Variants in KIF24 observed in about 807,000 individuals in gnomAD.
KIF24 encodes kinesin-like protein KIF24.
KIF24 carries 81 observed loss-of-function variants against 118.9 expected under a neutral mutation model. The ratio of observed to expected loss-of-function variants is 0.68; its 90% CI spans 0.57 to 0.82. KIF24 has a LOEUF of 0.82. Among genes scored for constraint, KIF24 ranks in the 40% least tolerant of loss-of-function variants. The pLI, the probability that KIF24 is intolerant of heterozygous loss-of-function variation, is 0.00. For synonymous variants in KIF24, 599 were observed against 610.0 expected (o/e 0.98, Z 0.27); for missense variants, 1,560 against 1,661.6 (o/e 0.94, Z 1.06).
chr9:34,297,759 T>TAA (rs879897804), intron 3 of KIF24, among the ~76,000 whole-genome samples: 3 of 131,058 alleles, frequency 2.3e-5, no homozygotes, highest in Non-Finnish European at 3.4e-5. Flanking sequence ...GAGATTCCAT[T>TAA]TAAAAAAAAA....
At chr9:34,299,027 C>A (rs957208599) in intron 3 of KIF24, among the ~76,000 whole-genome samples, 3 of 151,984 alleles carry the variant, frequency 2.0e-5, no homozygotes, top group South Asian at 2.1e-4. Context: ...TTGGTAGGTA[C>A]AACTACATAT....
intron 4 of KIF24, among the ~76,000 whole-genome samples, chr9:34,293,707 C>T (rs548835337): frequency 7.9e-5 from 12 of 152,192 alleles, no homozygotes; most frequent in African/African-American, 2.9e-4. Context: ...ACCCAGGAGG[C>T]GGAGCTTGCA....
chr9:34,269,661 C>T (rs192258488), intron 7 of KIF24, among the ~76,000 whole-genome samples: 1,837 of 152,078 alleles, frequency 0.012, 45 homozygotes, highest in African/African-American at 0.041. Context: ...CCTCGTGATC[C>T]GCCCGCCTTG....
At position 34,310,746 on chromosome 9, in the gene KIF24, C is replaced by CATAGTAT. The variant is rs760924285; in HGVS notation, c.600_601insATACTAT (p.Gly201IlefsTer22). On this transcript the variant is annotated frameshift_variant, in exon 2 of 13. Coordinates refer to ENST00000402558, the MANE Select transcript of KIF24 (RefSeq NM_194313.4). LOFTEE classifies it high-confidence loss of function. The stretch of plus-strand genomic sequence containing the variant: ...TACCTGATACAAGAATGAGGGATTC[C>CATAGTAT]ATAGTTATACCCTGAAACATGAGAG... The CATAGTAT allele has an allele frequency of 1.4e-5, 23 of 1,595,618 alleles. No homozygotes were observed. Among genetic ancestry groups the CATAGTAT allele is most frequent in the Non-Finnish European group, 1.9e-5 (22 of 1,172,668 alleles).
In KIF24 at chr9:34,257,207, G is replaced by A. The variant is rs1834884339; in HGVS notation, c.2400C>T (p.Leu800=). Residue 800 remains leucine (L), a synonymous_variant, in exon 11 of 13, where the codon CTC becomes CTT. Transcript: ENST00000402558. ...LRQYRPPEGQ[L]TNETPPLFHS... is the part of the protein sequence containing the mutation. ...GGAACAGAGGCGGAGTCTCATTCGT[G>A]AGCTGACCCTCTGGGGGCCTGTACT... 4 of 1,613,942 alleles carry A rather than the reference G, an allele frequency of 2.5e-6. No individual in the cohort carries two copies. Among genetic ancestry groups the A allele is most frequent in the Non-Finnish European group, 3.4e-6 (4 of 1,179,904 alleles).
chr9:34,333,451 A>AC (rs1437963188), upstream of KIF24, among the ~76,000 whole-genome samples: 1 of 151,838 alleles, frequency 6.6e-6, no homozygotes, highest in African/African-American at 2.4e-5. Flanking sequence ...GCATAGCAAG[A>AC]CCCCATCTCT....
chr9:34,262,927 C>T (rs895357357), intron 9 of KIF24, among the ~76,000 whole-genome samples, 174 bp downstream of exon 9: 1 of 151,806 alleles, frequency 6.6e-6, no homozygotes, highest in African/African-American at 2.4e-5. Context: ...ATTAATGATA[C>T]TCAACTTGTA....
At chr9:34,319,615 T>C in intron 1 of KIF24, 1 of 899,446 alleles carries the variant, frequency 1.1e-6, no homozygotes, top group Non-Finnish European at 1.9e-6. Context: ...ACTGGGCACC[T>C]GGTCCGGCCT....
At position 34,255,151 on chromosome 9, in the gene KIF24, C is replaced by T. The variant is rs752525182; in HGVS notation, c.3887G>A (p.Arg1296Gln). ...TTCATCCAGCTGTTCCTGGTGTGCT[C>T]GGATGACCACCTGCCTGGGAACACC... is the stretch of plus-strand genomic sequence containing the variant. The part of the protein sequence containing the change: ...TLEQAQQVVI[R>Q]AHQEQLDEMA... Residue 1296 changes from arginine (R) to glutamine (Q), a missense_variant, in exon 12 of 13, where the codon CGA (arginine) becomes CAA (glutamine). Physicochemically the swap from Arg to Gln is conservative, Grantham distance 43. Coordinates refer to ENST00000402558, the MANE Select transcript of KIF24 (RefSeq NM_194313.4). 45 of 1,582,778 alleles carry T rather than the reference C, an allele frequency of 2.8e-5. 2 individuals are homozygous for T. The highest frequency in any genetic ancestry group is 2.8e-5 in the Non-Finnish European group (32 of 1,163,312).
intron 1 of KIF24, among the ~76,000 whole-genome samples, chr9:34,320,245 T>TG (rs1837469636): frequency 6.8e-6 from 1 of 146,682 alleles, no homozygotes; most frequent in Non-Finnish European, 1.5e-5. Context: ...TCTTCAAAGA[T>TG]GGGGAGGGAA....
intron 6 of KIF24, among the ~76,000 whole-genome samples, chr9:34,282,038 C>T (rs1478224212): frequency 1.3e-5 from 2 of 152,066 alleles, no homozygotes; most frequent in African/African-American, 2.4e-5. Context: ...TAGGCATACA[C>T]CCAAGAAAAT....
chr9:34,283,247 G>A (rs140279582), intron 6 of KIF24, among the ~76,000 whole-genome samples: 1,713 of 151,532 alleles, frequency 0.011, 38 homozygotes, highest in African/African-American at 0.039. Context: ...GCACACACCT[G>A]TAGTCCCAGC....
rs150483363 is a variant in KIF24 at position 34,326,338 on chromosome 9, C to T, written c.-26+2768G>A. On this transcript the variant is annotated intron_variant, in intron 1 of 12. Coordinates refer to ENST00000402558, the MANE Select transcript of KIF24 (RefSeq NM_194313.4). ...CTGCAGTTCAGTGTGGGCAACAGGG[C>T]GACAGAGTAAGAGCCTGTCTCAAGA... 2.8e-4 allele frequency among the ~76,000 whole-genome samples: 42 copies of T among 152,028 alleles called. 1 individual carries two copies. The East Asian group carries it at 6.4e-3, about 23-fold the overall frequency.
intron 1 of KIF24, chr9:34,319,201 C>A (rs7028124): frequency 6.3e-7 from 1 of 1,596,448 alleles, no homozygotes; most frequent in Non-Finnish European, 8.6e-7. Context: ...AGCTCTCCAG[C>A]CTCATCATCC....
intron 1 of KIF24, chr9:34,319,637 G>T: frequency 1.2e-6 from 1 of 868,986 alleles, no homozygotes; most frequent in East Asian, 2.5e-5. Flanking sequence ...AGGTTGACAA[G>T]ATGCAAGACG....
At position 34,290,156 on chromosome 9, in the gene KIF24, C is replaced by T. The variant is rs922057280; in HGVS notation, c.1127+18G>A. The T allele has an allele frequency of 6.5e-7, 1 of 1,548,918 alleles. No individual in the cohort carries two copies. The highest frequency in any genetic ancestry group is 8.9e-7 in the Non-Finnish European group (1 of 1,122,654). ...ATAGCGATGAACAGATTTATCGCTT[C>T]CCACTCATATTCAGTACCTTTTTCT... On this transcript the variant is annotated intron_variant, in intron 5 of 12. Transcript: ENST00000402558.
chr9:34,331,566 A>G (rs988961963), upstream of KIF24, among the ~76,000 whole-genome samples: 1 of 152,214 alleles, frequency 6.6e-6, no homozygotes, highest in African/African-American at 2.4e-5. Flanking sequence ...AGCTTGACTT[A>G]CCTAAATTGG....
chr9:34,253,646 A>T lies in KIF24; in HGVS notation c.*734T>A, dbSNP rs1303642024. 6.6e-6 allele frequency: 1 copy of T among 152,214 alleles called. No individual in the cohort carries two copies. Among genetic ancestry groups the T allele is most frequent in the Admixed American group, 6.5e-5 (1 of 15,270 alleles). 9.4% of individuals were successfully genotyped at this position (152,214 alleles called of 1,614,324 possible). On this transcript the variant is annotated 3_prime_UTR_variant, in exon 13 of 13. Transcript: ENST00000402558. ...CATGAGAGTATCGGGCATTGTACAG[A>T]GGCCTTTCACCCGAGCAAAAGTCAG...
chr9:34,268,484 T>G (rs1170026236), intron 8 of KIF24, among the ~76,000 whole-genome samples: 1 of 147,388 alleles, frequency 6.8e-6, no homozygotes, highest in East Asian at 2.1e-4. Context: ...ATGGAATAAA[T>G]GACATGATGA....
Sources: allele counts gnomAD v4.1 joint callset (sites outside exome capture counted in the v4.1 genomes callset), GRCh38; gene constraint gnomAD v4.1.1; transcripts MANE v1.5; gene names NCBI Gene and HGNC (gene_info 2026-07-23, HGNC 2026-07-21).